Variants in AGO1 observed in about 807,000 individuals in gnomAD.
AGO1 encodes the protein protein argonaute-1.
Under a neutral mutation model 109.2 loss-of-function variants are expected in AGO1, and 11 were observed. The observed-to-expected ratio is 0.10, with a 90% CI of 0.06 to 0.17. The LOEUF is 0.17. AGO1 is among the 10% of genes least tolerant of loss of function. The probability of loss-of-function intolerance (pLI) is 1.00; values close to 1 mark genes in which losing one functional copy is unlikely to be tolerated. For missense variants in AGO1, 574 were observed against 1,140.3 expected (o/e 0.50, Z 7.15); for synonymous variants, 422 against 418.6 (o/e 1.01, Z -0.10).
At chr1:35,890,107 C>T (rs1645190428) in intron 2 of AGO1, among the ~76,000 whole-genome samples, 1 of 152,046 alleles carries the variant, frequency 6.6e-6, no homozygotes, top group South Asian at 2.1e-4. Context: ...ACTGCAACCT[C>T]TGCCTCCCGG....
At chr1:35,887,952 G>A (rs1645146928) in intron 1 of AGO1, among the ~76,000 whole-genome samples, 1 of 152,074 alleles carries the variant, frequency 6.6e-6, no homozygotes, top group African/African-American at 2.4e-5. Context: ...GCCTTGTCTG[G>A]ATCTTATTCC....
chr1:35,908,917 C>G (rs1296592547), intron 12 of AGO1, among the ~76,000 whole-genome samples: 1 of 150,026 alleles, frequency 6.7e-6, no homozygotes, highest in Admixed American at 6.7e-5. Flanking sequence ...CTCCCAGGTT[C>G]AAGTGATTCT....
intron 1 of AGO1, among the ~76,000 whole-genome samples, chr1:35,877,917 TCCTGA>T (rs1040538042): frequency 2.0e-5 from 3 of 151,872 alleles, no homozygotes; most frequent in Non-Finnish European, 2.9e-5. Flanking sequence ...GGTCCTGAAC[TCCTGA>T]CCTCATGATC....
At chr1:35,917,899 G>A (rs1246643924) in intron 16 of AGO1, among the ~76,000 whole-genome samples, 172 bp downstream of exon 16, 2 of 151,962 alleles carry the variant, frequency 1.3e-5, no homozygotes, top group Non-Finnish European at 2.9e-5. Flanking sequence ...CTTCACTAGT[G>A]TCCACCTCCT....
chr1:35,893,975 G>C lies in AGO1; in HGVS notation c.650-62G>C, dbSNP rs1430403845. On this transcript the variant is annotated intron_variant, in intron 5 of 18. Transcript: ENST00000373204. This position sits in a 1 kb window ranked among gnomAD's most constrained non-coding sequence, Gnocchi z 5.6. The stretch of plus-strand genomic sequence containing the variant: ...TTTAAGGAAGAGGGTATAAATTGCT[G>C]TGCCTCCATGTATTGTGGAAGACAG... 1.3e-6 allele frequency: 2 copies of C among 1,522,200 alleles called. No individual in the cohort carries two copies. Among genetic ancestry groups the C allele is most frequent in the Non-Finnish European group, 1.8e-6 (2 of 1,133,456 alleles). The allele number at this position is 1,522,200 out of a possible 1,614,324, so 94.3% of individuals were successfully genotyped here. A position where few individuals can be genotyped will look rare whatever the true frequency, so the allele number is the denominator to read the frequency against.
chr1:35,901,365 G>T lies in AGO1; in HGVS notation c.1021-109G>T. The T allele has an allele frequency of 6.9e-7, 1 of 1,455,402 alleles. No individual in the cohort carries two copies. The highest frequency in any genetic ancestry group is 9.4e-7 in the Non-Finnish European group (1 of 1,061,062). 90.2% of individuals were successfully genotyped at this position (1,455,402 alleles called of 1,614,324 possible). On this transcript the variant is annotated intron_variant, in intron 8 of 18. Coordinates refer to ENST00000373204, the MANE Select transcript of AGO1 (RefSeq NM_012199.5). The surrounding 1 kb of genome is among the most constrained non-coding windows in gnomAD (Gnocchi z 4.8). ...ACATGTATGCACAACGGATTTTGCA[G>T]TTCCCTTCCCCATGGCTGACAGCCA...
At chr1:35,878,987 T>C (rs185608469), upstream of AGO1, among the ~76,000 whole-genome samples, 352 of 152,248 alleles carry the variant, frequency 2.3e-3, no homozygotes, top group Non-Finnish European at 3.9e-3. Context: ...GGAAATTCTT[T>C]GTATAGAGAA....
chr1:35,904,223 A>G (rs1489543762), intron 11 of AGO1, among the ~76,000 whole-genome samples: 1 of 146,218 alleles, frequency 6.8e-6, no homozygotes, highest in East Asian at 2.1e-4. Flanking sequence ...CTCCTGCCTC[A>G]GCCTCCCAAG....
Position 35,904,765 on chromosome 1 carries a change from T to C in AGO1, c.1398-2170T>C, listed in dbSNP as rs181970640. ...AAGTCATCTATAGCAGTGGCTGAGA[T>C]TGTCCAGGGAGAATGTACATAGTAA... On this transcript the variant is annotated intron_variant, in intron 11 of 18. Coordinates refer to ENST00000373204, the MANE Select transcript of AGO1 (RefSeq NM_012199.5). Among the ~76,000 whole-genome samples, 26 of 152,310 alleles carry C rather than the reference T, an allele frequency of 1.7e-4. No homozygotes were observed. In the East Asian group the frequency reaches 4.6e-3, roughly 27 times the overall value.
rs1278385240 is a variant in AGO1 at position 35,929,153 on chromosome 1, C to G, written c.*9546C>G. On this transcript the variant is annotated 3_prime_UTR_variant, in exon 19 of 19. Transcript: ENST00000373204. ...GCAGACTCAGTTGGGAATGAGTTATCCAAATATAGGGTGTACATGTAGTCA... is the reference window on the plus strand; with the variant it reads ...GCAGACTCAGTTGGGAATGAGTTATGCAAATATAGGGTGTACATGTAGTCA... 3 of 152,262 alleles carry G rather than the reference C, an allele frequency of 2.0e-5. No individual in the cohort carries two copies. The highest frequency in any genetic ancestry group is 7.2e-5 in the African/African-American group (3 of 41,462). 9.4% of individuals were successfully genotyped at this position (152,262 alleles called of 1,614,324 possible).
At position 35,893,882 on chromosome 1, in the gene AGO1, A is replaced by G; in HGVS notation, c.649+72A>G. 1 of 1,561,228 alleles carries G rather than the reference A, an allele frequency of 6.4e-7. No individual in the cohort carries two copies. Among genetic ancestry groups the G allele is most frequent in the Non-Finnish European group, 8.7e-7 (1 of 1,149,260 alleles). ...CCACACTCCCAGCCTCATCCCTCCC[A>G]GCTCTGCAACCACACTCCTAGTCTA... On this transcript the variant is annotated intron_variant, in intron 5 of 18. Coordinates refer to ENST00000373204, the MANE Select transcript of AGO1 (RefSeq NM_012199.5). The surrounding 1 kb of genome is among the most constrained non-coding windows in gnomAD (Gnocchi z 5.6).
At chr1:35,879,518 G>A (rs1645018405), upstream of AGO1, among the ~76,000 whole-genome samples, 1 of 151,756 alleles carries the variant, frequency 6.6e-6, no homozygotes, top group South Asian at 2.1e-4. Context: ...AGCATTTTGG[G>A]AGGCCGAGGT....
At chr1:35,908,560 T>C (rs2148719833) in intron 12 of AGO1, among the ~76,000 whole-genome samples, 1 of 152,294 alleles carries the variant, frequency 6.6e-6, no homozygotes, top group African/African-American at 2.4e-5. Context: ...TCTGGATATA[T>C]TGATGAATAA....
chr1:35,878,176 C>T (rs749455365), intron 1 of AGO1, among the ~76,000 whole-genome samples: 8 of 151,954 alleles, frequency 5.3e-5, no homozygotes, highest in Admixed American at 1.3e-4. Flanking sequence ...CTCTGCCTCC[C>T]GGATTCACGC....
Position 35,925,681 on chromosome 1 carries a change from G to A in AGO1, c.*6074G>A, listed in dbSNP as rs1255355390. On this transcript the variant is annotated 3_prime_UTR_variant, in exon 19 of 19. Coordinates refer to ENST00000373204, the MANE Select transcript of AGO1 (RefSeq NM_012199.5). Reference sequence around the variant, plus strand: ...TACACAGGATGAACTCAGAATTCCTGAATCTTCAGGTAAGCAGATACTTAA... The same window carrying A: ...TACACAGGATGAACTCAGAATTCCTAAATCTTCAGGTAAGCAGATACTTAA... The A allele has an allele frequency of 2.0e-5, 3 of 151,988 alleles. No individual in the cohort carries two copies. Among genetic ancestry groups the A allele is most frequent in the Non-Finnish European group, 4.4e-5 (3 of 68,014 alleles). 9.4% of individuals were successfully genotyped at this position (151,988 alleles called of 1,614,324 possible). A position where few individuals can be genotyped will look rare whatever the true frequency, so the allele number is the denominator to read the frequency against.
intron 1 of AGO1, among the ~76,000 whole-genome samples, chr1:35,877,450 T>G (rs1033378792): frequency 2.0e-5 from 3 of 152,108 alleles, no homozygotes; most frequent in African/African-American, 7.2e-5. Flanking sequence ...TAAGTAGATA[T>G]CTCTTCTATG....
rs777984387 is a variant in AGO1 at position 35,914,288 on chromosome 1, T to C, written c.1833+14T>C. On this transcript the variant is annotated intron_variant, in intron 14 of 18. Coordinates refer to ENST00000373204, the MANE Select transcript of AGO1 (RefSeq NM_012199.5). Reference sequence around the variant, plus strand: ...TCTATCACAGCAGTGAGTGATATTCTGTAGCTGCCTCATAAGGTTCTCCTC... The same window carrying C: ...TCTATCACAGCAGTGAGTGATATTCCGTAGCTGCCTCATAAGGTTCTCCTC... 1 of 1,605,974 alleles carries C rather than the reference T, an allele frequency of 6.2e-7. No individual in the cohort carries two copies. The highest frequency in any genetic ancestry group is 2.2e-5 in the East Asian group (1 of 44,782).
Position 35,888,865 on chromosome 1 carries a change from G to A in AGO1, c.209+255G>A, listed in dbSNP as rs1444161588. On this transcript the variant is annotated intron_variant, in intron 2 of 18. Coordinates refer to ENST00000373204, the MANE Select transcript of AGO1 (RefSeq NM_012199.5). The surrounding 1 kb of genome is among the most constrained non-coding windows in gnomAD (Gnocchi z 4.1). The stretch of plus-strand genomic sequence containing the variant: ...AGTTAATCTAACTACATTGAGTTAA[G>A]AAATAAGTACAGTACCTACTACATT... Among the ~76,000 whole-genome samples the A allele has an allele frequency of 6.6e-6, 1 of 152,196 alleles. No individual in the cohort carries two copies. Among genetic ancestry groups the A allele is most frequent in the East Asian group, 1.9e-4 (1 of 5,192 alleles).
rs1645262391 is a variant in AGO1 at position 35,893,613 on chromosome 1, G to C, written c.513-61G>C. 5 of 1,530,428 alleles carry C rather than the reference G, an allele frequency of 3.3e-6. No individual in the cohort carries two copies. The highest frequency in any genetic ancestry group is 4.4e-6 in the Non-Finnish European group (5 of 1,133,846). 94.8% of individuals were successfully genotyped at this position (1,530,428 alleles called of 1,614,324 possible). A position where few individuals can be genotyped will look rare whatever the true frequency, so the allele number is the denominator to read the frequency against. On this transcript the variant is annotated intron_variant, in intron 4 of 18. Transcript: ENST00000373204. The surrounding 1 kb of genome is among the most constrained non-coding windows in gnomAD (Gnocchi z 5.6). ...TCAGGCCAGGGCTCCTCCGTGCCCA[G>C]GATGCCTCACAGGGTGGGGGCCTGT... is the stretch of plus-strand genomic sequence containing the variant.
Sources: allele counts gnomAD v4.1 joint callset (sites outside exome capture counted in the v4.1 genomes callset), GRCh38; gene constraint gnomAD v4.1.1; non-coding constraint Gnocchi (gnomAD v3.1); transcripts MANE v1.5; gene names NCBI Gene and HGNC (gene_info 2026-07-23, HGNC 2026-07-21).